LRRC43: variants seen among roughly 807,000 people sequenced by gnomAD.
LRRC43 encodes leucine-rich repeat-containing protein 43.
A neutral mutation model predicts 64.3 loss-of-function variants in LRRC43; 62 were observed. That is an observed-to-expected ratio of 0.96 (90% CI 0.79 to 1.19). LRRC43 has a LOEUF of 1.19. LRRC43 is among the 50% of genes most tolerant of loss of function. LRRC43 has a pLI of 0.00. For missense variants in LRRC43, 868 were observed against 845.0 expected, an observed-to-expected ratio of 1.03 and a Z score of -0.34; for synonymous variants, 422 against 382.3, an observed-to-expected ratio of 1.10 and a Z score of -1.21.
intron 7 of LRRC43, among the ~76,000 whole-genome samples, chr12:122,195,273 G>C (rs1470990028): frequency 1.3e-5 from 2 of 151,384 alleles, no homozygotes; most frequent in Admixed American, 1.3e-4. Flanking sequence ...TTTTGAGAGG[G>C]AGTCTCGCCC....
intron 5 of LRRC43, among the ~76,000 whole-genome samples, chr12:122,190,854 CAA>C (rs756031424): frequency 7.6e-6 from 1 of 131,788 alleles, no homozygotes; most frequent in Admixed American, 7.7e-5. Flanking sequence ...CAGAGCAAGA[CAA>C]AAAAAAAAAA....
chr12:122,170,944 A>C (rs992291384), intron 1 of LRRC43, among the ~76,000 whole-genome samples: 1 of 152,170 alleles, frequency 6.6e-6, no homozygotes, highest in African/African-American at 2.4e-5. Context: ...GTGAGACCCA[A>C]TGATTGACAT....
chr12:122,200,684 G>C lies in LRRC43; in HGVS notation c.1620+24G>C, dbSNP rs376906998. On this transcript the variant is annotated intron_variant, in intron 9 of 11. Transcript: ENST00000339777. The surrounding 1 kb of genome is among the most constrained non-coding windows in gnomAD (Gnocchi z 4.6). ...AGGTACCGGGCCTTGGTGCTGGGGA[G>C]GGCAGCCTGGCCACACCCTTGCTTC... 2.3e-5 allele frequency: 37 copies of C among 1,613,270 alleles called. No homozygotes were observed. The highest frequency in any genetic ancestry group is 3.0e-5 in the Non-Finnish European group (35 of 1,179,826).
At chr12:122,203,063 C>A (rs973265393) in intron 11 of LRRC43, among the ~76,000 whole-genome samples, 1 of 152,208 alleles carries the variant, frequency 6.6e-6, no homozygotes, top group African/African-American at 2.4e-5. Flanking sequence ...CGCACTCCAG[C>A]CTGGGCGACG....
intron 7 of LRRC43, among the ~76,000 whole-genome samples, chr12:122,193,305 C>T (rs566773085): frequency 6.8e-6 from 1 of 147,160 alleles, no homozygotes; most frequent in Non-Finnish European, 1.5e-5. Context: ...GTCGTGAACC[C>T]AGGAGGCGGG....
chr12:122,193,451 C>T (rs891345617), intron 7 of LRRC43, among the ~76,000 whole-genome samples: 1 of 143,686 alleles, frequency 7.0e-6, no homozygotes, highest in Admixed American at 7.1e-5. Flanking sequence ...ATTTAGATTT[C>T]GTGTTCAGCC....
chr12:122,178,821 C>G (rs1953559082), upstream of LRRC43, among the ~76,000 whole-genome samples: 2 of 151,864 alleles, frequency 1.3e-5, no homozygotes. Flanking sequence ...GTTGGCCAGG[C>G]TGGTCTTGAA....
chr12:122,188,886 C>G (rs1593147739), intron 4 of LRRC43, among the ~76,000 whole-genome samples: 1 of 152,152 alleles, frequency 6.6e-6, no homozygotes, highest in Non-Finnish European at 1.5e-5. Context: ...GAGCACTTCC[C>G]CATTAGTTGT....
upstream of LRRC43, among the ~76,000 whole-genome samples, chr12:122,181,387 C>CA (rs1308661354): frequency 3.3e-5 from 5 of 149,934 alleles, no homozygotes; most frequent in African/African-American, 1.2e-4. Context: ...ACTAAAAATA[C>CA]AAAAAATTAG....
chr12:122,190,845 A>G (rs1392561478), intron 5 of LRRC43, among the ~76,000 whole-genome samples: 19 of 145,838 alleles, frequency 1.3e-4, no homozygotes, highest in South Asian at 1.2e-3. Flanking sequence ...CCTAGGTGAC[A>G]GAGCAAGACA....
intron 7 of LRRC43, among the ~76,000 whole-genome samples, chr12:122,199,703 C>T (rs11060637): frequency 0.35 from 53,172 of 151,692 alleles, 11,395 homozygotes; most frequent in Non-Finnish European, 0.46. Flanking sequence ...CCTACCTCAG[C>T]CCCCAAAGTA....
chr12:122,200,800 C>T lies in LRRC43; in HGVS notation c.1675C>T (p.Pro559Ser), dbSNP rs747256381. 3 of 1,613,026 alleles carry T rather than the reference C, an allele frequency of 1.9e-6. No individual in the cohort carries two copies. Among genetic ancestry groups the T allele is most frequent in the Non-Finnish European group, 2.5e-6 (3 of 1,180,020 alleles). ...KEPPKELRQDPPILQVLGRGL... is the reference protein window; with the variant it reads ...KEPPKELRQDSPILQVLGRGL... ...GCCGCCCAAGGAGCTCCGGCAGGAC[C>T]CCCCCATCCTCCAGGTGCTGGGCCG... The change falls in exon 10 of 12, where the codon CCC becomes TCC. Residue 559 changes from proline (P) to serine (S), a missense_variant. Transcript: ENST00000339777. This position sits in a 1 kb window ranked among gnomAD's most constrained non-coding sequence, Gnocchi z 4.6.
intron 1 of LRRC43, among the ~76,000 whole-genome samples, chr12:122,169,632 C>T (rs995483673): frequency 2.8e-5 from 4 of 140,882 alleles, no homozygotes; most frequent in Admixed American, 7.7e-5. Flanking sequence ...AGTGGAATGG[C>T]GTGAACCCGG....
At chr12:122,176,093 C>A (rs1389684454) in intron 1 of LRRC43, among the ~76,000 whole-genome samples, 1 of 152,166 alleles carries the variant, frequency 6.6e-6, no homozygotes, top group Non-Finnish European at 1.5e-5. Flanking sequence ...ACAATAGCAA[C>A]AACATTCATA....
At chr12:122,190,442 T>C in intron 5 of LRRC43, 74 bp downstream of exon 5, 4 of 1,209,872 alleles carry the variant, frequency 3.3e-6, no homozygotes, top group South Asian at 1.3e-5. Flanking sequence ...CCCGCCCTCC[T>C]GGGTCCGTGT....
chr12:122,190,994 C>T (rs1459491160), intron 5 of LRRC43, among the ~76,000 whole-genome samples: 7 of 152,148 alleles, frequency 4.6e-5, no homozygotes, highest in African/African-American at 1.7e-4. Context: ...TCAAAACAAC[C>T]TGTGGGGACT....
chr12:122,182,056 T>A (rs900810245), upstream of LRRC43, among the ~76,000 whole-genome samples: 2 of 152,004 alleles, frequency 1.3e-5, no homozygotes, highest in Admixed American at 1.3e-4. Context: ...GTGATTAAGT[T>A]TGGGGGCTCC....
chr12:122,197,701 C>A (rs776388912), intron 7 of LRRC43, among the ~76,000 whole-genome samples: 46 of 151,982 alleles, frequency 3.0e-4, no homozygotes, highest in Non-Finnish European at 6.0e-4. Flanking sequence ...GAGAAAAAGA[C>A]CCTTTCTCCC....
chr12:122,201,341 T>C lies in LRRC43; in HGVS notation c.1843+12T>C, dbSNP rs775016469. Reference sequence around the variant, plus strand: ...AGTTGCCAAAAAAGGTGAGTGCCGATGGTGGTGACCAAAGGCAGGGATTGT... The same window carrying C: ...AGTTGCCAAAAAAGGTGAGTGCCGACGGTGGTGACCAAAGGCAGGGATTGT... On this transcript the variant is annotated intron_variant, in intron 11 of 11. Coordinates refer to ENST00000339777, the MANE Select transcript of LRRC43 (RefSeq NM_001098519.2). The C allele has an allele frequency of 7.4e-6, 12 of 1,613,682 alleles. 1 individual carries two copies. Among genetic ancestry groups the C allele is most frequent in the African/African-American group, 6.7e-5 (5 of 74,940 alleles).
Sources: gnomAD v4.1 joint callset for allele counts (sites outside exome capture counted in the v4.1 genomes callset) on GRCh38, gnomAD v4.1.1 for gene constraint, Gnocchi (gnomAD v3.1) non-coding constraint, MANE v1.5 for transcripts, NCBI Gene and HGNC (gene_info 2026-07-23, HGNC 2026-07-21) for gene names.